CD22: variants seen among roughly 807,000 people sequenced by gnomAD.
CD22 encodes the protein B-cell receptor CD22.
Under a neutral mutation model 94.7 loss-of-function variants are expected in CD22, and 51 were observed. That is an observed-to-expected ratio of 0.54 (90% CI 0.43 to 0.68). The LOEUF is 0.68. Among genes scored for constraint, CD22 ranks in the 30% least tolerant of loss-of-function variants. The probability of loss-of-function intolerance (pLI) is 0.00; values close to 1 mark genes in which losing one functional copy is unlikely to be tolerated. For synonymous variants in CD22, 424 were observed against 422.5 expected, an observed-to-expected ratio of 1.00 and a Z score of -0.04; for missense variants, 931 against 1,060.4, an observed-to-expected ratio of 0.88 and a Z score of 1.69.
intron 6 of CD22, among the ~76,000 whole-genome samples, chr19:35,339,886 G>A (rs1009267942): frequency 4.6e-5 from 7 of 152,080 alleles, no homozygotes; most frequent in Non-Finnish European, 1.0e-4. Flanking sequence ...CAAGATACCA[G>A]GACTCCATGA....
At chr19:35,330,023 G>T (rs1462085290) in intron 1 of CD22, 1 of 152,164 alleles carries the variant, frequency 6.6e-6, no homozygotes, top group Non-Finnish European at 1.5e-5. Flanking sequence ...TTAAAGTCCT[G>T]CAGTAAAGAA....
rs1401065748 is a variant in CD22, at chr19:35,337,787, AGT to A, written c.753_754del (p.Ser251ArgfsTer63). The A allele has an allele frequency of 1.2e-6, 2 of 1,609,170 alleles. No homozygotes were observed. The highest frequency in any genetic ancestry group is 1.7e-6 in the Non-Finnish European group (2 of 1,176,216). On this transcript the variant is annotated frameshift_variant, in exon 5 of 14. Transcript: ENST00000085219. LOFTEE classifies it high-confidence loss of function. The surrounding 1 kb of genome is among the most constrained non-coding windows in gnomAD (Gnocchi z 4.4). ...TPKLEIKVTP[S>X]DAIVREGDSV... is the part of the protein sequence containing the mutation. ...GAAGTTGGAGATCAAGGTCACTCCCAGTGATGCCATAGTGAGGGAGGGGGACT... is the reference window on the plus strand; with the variant it reads ...GAAGTTGGAGATCAAGGTCACTCCCAGATGCCATAGTGAGGGAGGGGGACT...
chr19:35,331,852 A>C, intron 1 of CD22, 167 bp from the exon 2 acceptor site: 2 of 1,412,720 alleles, frequency 1.4e-6, no homozygotes, highest in Non-Finnish European at 1.9e-6. Context: ...GTCTCAAAAA[A>C]AAAGAAAGAA....
At chr19:35,332,969 G>T in intron 3 of CD22, 45 bp downstream of exon 3, 1 of 1,576,920 alleles carries the variant, frequency 6.3e-7, no homozygotes. Flanking sequence ...GCAGGGGTGA[G>T]TGGGAGGCAG....
chr19:35,341,384 T>C lies in CD22; in HGVS notation c.1549T>C (p.Ser517Pro). The stretch of plus-strand genomic sequence containing the variant: ...GAGGGTCCGGAAAATCAAGCCCCTT[T>C]CCGAGATTCACTCTGGAAACTCGGT... Reference protein sequence around the residue: ...DVRVRKIKPLSEIHSGNSVSL... With the variant: ...DVRVRKIKPLPEIHSGNSVSL... Residue 517 changes from serine to proline, a missense_variant, in exon 8 of 14, where the codon TCC becomes CCC. Coordinates refer to ENST00000085219, the MANE Select transcript of CD22 (RefSeq NM_001771.4). The surrounding 1 kb of genome is among the most constrained non-coding windows in gnomAD (Gnocchi z 4.0). 1.2e-6 allele frequency: 2 copies of C among 1,613,400 alleles called. No homozygotes were observed. The highest frequency in any genetic ancestry group is 1.3e-5 in the African/African-American group (1 of 74,754).
chr19:35,332,712 A>T lies in CD22; in HGVS notation c.200A>T (p.Asn67Ile). 1 of 1,614,152 alleles carries T rather than the reference A, an allele frequency of 6.2e-7. No homozygotes were observed. The highest frequency in any genetic ancestry group is 8.5e-7 in the Non-Finnish European group (1 of 1,180,038). ...ILFHNPEYNK[N>I]TSKFDGTRLY... ...TTCCACAATCCTGAGTATAACAAGA[A>T]CACCTCGAAGTTTGATGGGACAAGA... Residue 67 changes from asparagine (N) to isoleucine (I), a missense_variant, in exon 3 of 14, where the codon AAC (asparagine) becomes ATC (isoleucine). By Grantham distance (149) the Asn-to-Ile change is moderately radical. Coordinates refer to ENST00000085219, the MANE Select transcript of CD22 (RefSeq NM_001771.4).
At chr19:35,332,105 G>T (rs2066653889) in intron 2 of CD22, 31 bp downstream of exon 2, 1 of 1,613,882 alleles carries the variant, frequency 6.2e-7, no homozygotes, top group Admixed American at 1.7e-5. Context: ...TAGTACTGGG[G>T]TTCTGGGATG....
At chr19:35,330,784 C>G (rs1395683120) in intron 1 of CD22, 2 of 152,106 alleles carry the variant, frequency 1.3e-5, no homozygotes, top group African/African-American at 4.8e-5. Context: ...AAATTTAACT[C>G]TATGTAAATA....
rs1568492093 is a variant in CD22, at chr19:35,345,048, C to T, written c.2133-3C>T. 5.6e-6 allele frequency: 9 copies of T among 1,613,688 alleles called. No homozygotes were observed. Among genetic ancestry groups the T allele is most frequent in the Non-Finnish European group, 7.6e-6 (9 of 1,179,796 alleles). On this transcript the variant is annotated splice_polypyrimidine_tract_variant and splice_region_variant and intron_variant, in intron 10 of 13. Transcript: ENST00000085219. ...CCCTCACACATGTGCCTTTATTTCT[C>T]AGTTGGAAGAGGACACAGAGCCAGC...
intron 1 of CD22, 94 bp downstream of exon 1, chr19:35,329,324 CA>C (rs1262610109): frequency 1.4e-6 from 1 of 729,988 alleles, no homozygotes; most frequent in Non-Finnish European, 2.1e-6. Context: ...GCTGGGAACA[CA>C]GTGGGGACCT....
intron 11 of CD22, 127 bp from the exon 12 acceptor site, chr19:35,345,475 A>G (rs760495211): frequency 3.4e-6 from 2 of 584,010 alleles, no homozygotes; most frequent in East Asian, 3.0e-5. Context: ...TGTGAAGCTG[A>G]GTGGGGAAAC....
chr19:35,342,141 C>T (rs1200705689), intron 9 of CD22, among the ~76,000 whole-genome samples, 176 bp downstream of exon 9: 1 of 150,622 alleles, frequency 6.6e-6, no homozygotes, highest in Non-Finnish European at 1.5e-5. Context: ...TTCTCCCTCT[C>T]CTCCTCCTCT....
In CD22 at chr19:35,345,210, G is replaced by A. The variant is rs1017693858; in HGVS notation, c.2208+84G>A. On this transcript the variant is annotated intron_variant, in intron 11 of 13. Transcript: ENST00000085219. ...AGGCAGGTGGATCACCTGAGGTCAG[G>A]AGTTCGAGACCAGCGTAGCCAACAT... 5 of 1,186,402 alleles carry A rather than the reference G, an allele frequency of 4.2e-6. No individual in the cohort carries two copies. The African/African-American group carries it at 4.5e-5, about 11-fold the overall frequency. 73.5% of individuals were successfully genotyped at this position (1,186,402 alleles called of 1,614,324 possible). A position where few individuals can be genotyped will look rare whatever the true frequency, so the allele number is the denominator to read the frequency against.
chr19:35,345,364 T>A, intron 11 of CD22: 1 of 553,158 alleles, frequency 1.8e-6, no homozygotes, highest in Non-Finnish European at 3.2e-6. Flanking sequence ...GAGGTTGCAG[T>A]GAGCCAAGAT....
At chr19:35,329,975 A>G (rs779936885) in intron 1 of CD22, 2 of 152,238 alleles carry the variant, frequency 1.3e-5, no homozygotes, top group Non-Finnish European at 2.9e-5. Context: ...CCCCATGTCT[A>G]GAGATTAATG....
chr19:35,345,420 C>CAAAAAAAAA, intron 11 of CD22, 182 bp from the exon 12 acceptor site: 2 of 152,950 alleles, frequency 1.3e-5, no homozygotes, highest in South Asian at 9.9e-5. Flanking sequence ...GACTCTGCCT[C>CAAAAAAAAA]AAAAAAAAAA....
chr19:35,343,683 A>G (rs189096627), intron 9 of CD22, among the ~76,000 whole-genome samples: 36 of 152,222 alleles, frequency 2.4e-4, no homozygotes, highest in Non-Finnish European at 4.9e-4. Context: ...GGAGTTTGAG[A>G]CCAGCCTGGG....
chr19:35,334,844 C>G (rs943360793), intron 3 of CD22, among the ~76,000 whole-genome samples: 1 of 151,036 alleles, frequency 6.6e-6, no homozygotes, highest in Non-Finnish European at 1.5e-5. Flanking sequence ...TTTGGGAGGC[C>G]GAGGCAGGCG....
chr19:35,345,639 T>A lies in CD22; in HGVS notation c.2246T>A (p.Leu749Gln), dbSNP rs2066895060. ...RAPLSEGPHS[L>Q]GCYNPMMEDG... ...CCCCTCTCTGAAGGCCCCCACTCCC[T>A]GGGATGCTACAATCCAATGATGGAA... is the stretch of plus-strand genomic sequence containing the variant. Residue 749 changes from leucine (L) to glutamine (Q), a missense_variant, in exon 12 of 14, where the codon CTG becomes CAG. Physicochemically the swap from Leu to Gln is moderately radical, Grantham distance 113. Transcript: ENST00000085219. 1 of 1,613,614 alleles carries A rather than the reference T, an allele frequency of 6.2e-7. No homozygotes were observed.
Sources: gnomAD v4.1 joint callset for allele counts (sites outside exome capture counted in the v4.1 genomes callset) on GRCh38, gnomAD v4.1.1 for gene constraint, Gnocchi (gnomAD v3.1) non-coding constraint, MANE v1.5 for transcripts, NCBI Gene and HGNC (gene_info 2026-07-23, HGNC 2026-07-21) for gene names.